LRMDA: variants seen among roughly 807,000 people sequenced by gnomAD.
LRMDA encodes leucine rich melanocyte differentiation associated, also known as leucine-rich melanocyte differentiation-associated protein.
In LRMDA, 18 loss-of-function variants were observed where a neutral mutation model predicts 29.8. That is an observed-to-expected ratio of 0.60 (90% CI 0.42 to 0.90). The LOEUF (loss-of-function observed/expected upper bound fraction) is 0.90, where lower values mean the gene tolerates loss of function less well. Among genes scored for constraint, LRMDA ranks in the 40% least tolerant of loss-of-function variants. The pLI, the probability that LRMDA is intolerant of heterozygous loss-of-function variation, is 0.00. For synonymous variants in LRMDA, 125 were observed against 109.4 expected (o/e 1.14, Z -0.89); for missense variants, 273 against 273.9 (o/e 1.00, Z 0.02).
intron 2 of LRMDA, among the ~76,000 whole-genome samples, chr10:75,849,367 A>G (rs1844693038): frequency 7.9e-6 from 1 of 126,370 alleles, no homozygotes; most frequent in Admixed American, 8.6e-5. Context: ...GTGTCCATCA[A>G]TGATAGACTG....
intron 2 of LRMDA, among the ~76,000 whole-genome samples, chr10:75,694,354 A>G (rs1842206528): frequency 6.6e-6 from 1 of 152,196 alleles, no homozygotes; most frequent in South Asian, 2.1e-4. Context: ...TGGTATATGG[A>G]GTCATTTGTC....
chr10:76,478,002 C>T (rs1842694731), intron 6 of LRMDA, among the ~76,000 whole-genome samples: 1 of 152,124 alleles, frequency 6.6e-6, no homozygotes, highest in Non-Finnish European at 1.5e-5. Flanking sequence ...GCAAGGACTT[C>T]ATGTCTAAAA....
At chr10:76,376,469 G>A (rs1349081968) in intron 6 of LRMDA, among the ~76,000 whole-genome samples, 1 of 152,084 alleles carries the variant, frequency 6.6e-6, no homozygotes, top group African/African-American at 2.4e-5. Flanking sequence ...CCAGTCATCT[G>A]TGGATGGACA....
In LRMDA at chr10:76,495,942, G is replaced by A. The variant is rs1842877567; in HGVS notation, c.602-61267G>A. On this transcript the variant is annotated intron_variant, in intron 6 of 6. Transcript: ENST00000611255. ...TGAAGTGTTTTATATAGACAATTATGCTGTCTTGTAACAGAGACTTTTTTT... is the reference window on the plus strand; with the variant it reads ...TGAAGTGTTTTATATAGACAATTATACTGTCTTGTAACAGAGACTTTTTTT... Among the ~76,000 whole-genome samples, 2 of 74,836 alleles carry A rather than the reference G, an allele frequency of 2.7e-5. 1 individual carries two copies. Among genetic ancestry groups the A allele is most frequent in the African/African-American group, 6.5e-5 (2 of 30,838 alleles). The allele number at this position is 74,836 out of a possible 152,430, so 49.1% of individuals were successfully genotyped here. A position where few individuals can be genotyped will look rare whatever the true frequency, so the allele number is the denominator to read the frequency against.
chr10:76,329,004 A>G (rs1840870848), intron 6 of LRMDA, among the ~76,000 whole-genome samples: 2 of 152,190 alleles, frequency 1.3e-5, no homozygotes, highest in Non-Finnish European at 2.9e-5. Flanking sequence ...TCACAGGAAC[A>G]TCTGGGTGTC....
chr10:76,480,228 C>A, intron 6 of LRMDA, among the ~76,000 whole-genome samples: 1 of 151,822 alleles, frequency 6.6e-6, no homozygotes, highest in South Asian at 2.1e-4. Context: ...ATGTATTAGG[C>A]CTCACTGGAA....
At chr10:75,964,768 T>C (rs1354448658) in intron 2 of LRMDA, among the ~76,000 whole-genome samples, 1 of 152,128 alleles carries the variant, frequency 6.6e-6, no homozygotes, top group Non-Finnish European at 1.5e-5. Flanking sequence ...GTTTGTTTGT[T>C]TTTGTTGTTG....
intron 2 of LRMDA, among the ~76,000 whole-genome samples, chr10:75,596,179 T>A (rs1484475506): frequency 1.3e-5 from 2 of 152,230 alleles, no homozygotes; most frequent in Non-Finnish European, 2.9e-5. Context: ...ATGATTATGA[T>A]CCCTACATGA....
chr10:75,781,570 G>A (rs1019046331), intron 2 of LRMDA, among the ~76,000 whole-genome samples: 1 of 152,108 alleles, frequency 6.6e-6, no homozygotes, highest in Non-Finnish European at 1.5e-5. Flanking sequence ...GCTTTAATGC[G>A]AACATTATCT....
At chr10:75,826,059 C>T (rs1844242272) in intron 2 of LRMDA, among the ~76,000 whole-genome samples, 2 of 152,110 alleles carry the variant, frequency 1.3e-5, no homozygotes, top group African/African-American at 4.8e-5. Context: ...CTTTGGGGGG[C>T]CTCAGAAGTG....
intron 5 of LRMDA, among the ~76,000 whole-genome samples, chr10:76,234,642 G>A (rs996924843): frequency 3.9e-5 from 6 of 152,142 alleles, no homozygotes; most frequent in Non-Finnish European, 8.8e-5. Context: ...GGATCTCCTG[G>A]ATAATTTGCT....
At chr10:76,556,555 A>G (rs1380751132) in intron 6 of LRMDA, 1 of 152,028 alleles carries the variant, frequency 6.6e-6, no homozygotes, top group East Asian at 1.9e-4. Context: ...GAGTTTCATC[A>G]TGTTAGACAA....
At chr10:76,354,966 C>G (rs889912066) in intron 6 of LRMDA, among the ~76,000 whole-genome samples, 1 of 152,102 alleles carries the variant, frequency 6.6e-6, no homozygotes, top group Non-Finnish European at 1.5e-5. Context: ...TGCACTGCAC[C>G]AATTCTACCT....
intron 5 of LRMDA, among the ~76,000 whole-genome samples, chr10:76,205,921 C>T (rs1024861536): frequency 1.3e-5 from 2 of 152,106 alleles, no homozygotes; most frequent in African/African-American, 4.8e-5. Context: ...AATGCAGAAT[C>T]GTTGAGGCCA....
At chr10:75,681,798 C>G (rs1448652311) in intron 2 of LRMDA, among the ~76,000 whole-genome samples, 1 of 152,236 alleles carries the variant, frequency 6.6e-6, no homozygotes, top group African/African-American at 2.4e-5. Context: ...TATGGGCCTT[C>G]TGGCCCTGTA....
chr10:76,363,174 A>AAAGAAAGAAAG (rs1554815855), intron 6 of LRMDA, among the ~76,000 whole-genome samples: 2 of 18,340 alleles, frequency 1.1e-4, no homozygotes, highest in South Asian at 1.7e-3. Context: ...AGAAAGAAAG[A>AAAGAAAGAAAG]AAGGAGGGAG....
intron 5 of LRMDA, among the ~76,000 whole-genome samples, chr10:76,223,131 G>A (rs1030176691): frequency 1.3e-5 from 2 of 151,618 alleles, no homozygotes; most frequent in East Asian, 1.9e-4. Flanking sequence ...TGGGGGGAGT[G>A]GGGAGGGATA....
In LRMDA at chr10:75,917,185, G is replaced by C. The variant is rs1276041627; in HGVS notation, c.132-118823G>C. ...CAATGGGCAAGTCTCTTTCAGGTAA[G>C]TTACAGAATAGGTAAGAATTGGGGT... is the stretch of plus-strand genomic sequence containing the variant. On this transcript the variant is annotated intron_variant, in intron 2 of 6. Transcript: ENST00000611255. Among the ~76,000 whole-genome samples, 10 of 152,234 alleles carry C rather than the reference G, an allele frequency of 6.6e-5. No individual in the cohort carries two copies. The East Asian group carries it at 1.9e-3, about 29-fold the overall frequency.
At chr10:76,055,940 C>T (rs574516293) in intron 4 of LRMDA, among the ~76,000 whole-genome samples, 7 of 152,340 alleles carry the variant, frequency 4.6e-5, no homozygotes, top group Admixed American at 3.3e-4. Context: ...CACCATGTGG[C>T]GAGTGGGGGG....
Sources: allele counts gnomAD v4.1 joint callset (sites outside exome capture counted in the v4.1 genomes callset), GRCh38; gene constraint gnomAD v4.1.1; transcripts MANE v1.5; gene names NCBI Gene and HGNC (gene_info 2026-07-23, HGNC 2026-07-21).